ARHGAP26: variants seen among roughly 807,000 people sequenced by gnomAD.
ARHGAP26 encodes Rho GTPase activating protein 26, also known as rho GTPase-activating protein 26.
Under a neutral mutation model 104.8 loss-of-function variants are expected in ARHGAP26, and 38 were observed. The observed-to-expected ratio is 0.36, with a 90% confidence interval of 0.28 to 0.48. The LOEUF (loss-of-function observed/expected upper bound fraction) is 0.48. Ranked by LOEUF, ARHGAP26 falls within the 20% of genes least tolerant of loss-of-function variation. ARHGAP26 has a pLI of 0.99. For missense variants in ARHGAP26, 704 were observed against 947.9 expected, an observed-to-expected ratio of 0.74 and a Z score of 3.38; for synonymous variants, 341 against 340.0, an observed-to-expected ratio of 1.00 and a Z score of -0.03.
At chr5:143,172,878 A>G (rs1209296614) in intron 20 of ARHGAP26, 2 of 170,940 alleles carry the variant, frequency 1.2e-5, no homozygotes, top group African/African-American at 4.8e-5. Flanking sequence ...AAGGGCAGAT[A>G]CCCATGTTGT....
At chr5:142,891,125 G>T (rs1038339059) in intron 5 of ARHGAP26, among the ~76,000 whole-genome samples, 1 of 151,968 alleles carries the variant, frequency 6.6e-6, no homozygotes, top group African/African-American at 2.4e-5. Flanking sequence ...GCTACAAGAA[G>T]ATCAAAGGCT....
intron 10 of ARHGAP26, among the ~76,000 whole-genome samples, chr5:142,927,536 G>A (rs1764090934): frequency 6.6e-6 from 1 of 152,072 alleles, no homozygotes; most frequent in Non-Finnish European, 1.5e-5. Context: ...TGTATGGTAT[G>A]CCATTGTTCA....
At chr5:142,772,970 A>G in intron 1 of ARHGAP26, 1 of 513,900 alleles carries the variant, frequency 1.9e-6, no homozygotes, top group South Asian at 1.4e-5. Flanking sequence ...AATGGAATGG[A>G]TCAGCCCTGT....
chr5:142,798,850 C>T (rs1237543824), intron 1 of ARHGAP26, among the ~76,000 whole-genome samples: 1 of 152,142 alleles, frequency 6.6e-6, no homozygotes, highest in Non-Finnish European at 1.5e-5. Flanking sequence ...TAGTTCAGGG[C>T]TGTGGGATAT....
intron 4 of ARHGAP26, among the ~76,000 whole-genome samples, chr5:142,884,316 G>A (rs914014279): frequency 6.6e-6 from 1 of 152,204 alleles, no homozygotes; most frequent in Admixed American, 6.5e-5. Context: ...ACCTCTTTGG[G>A]TCCAAGTTTT....
chr5:142,773,259 T>C (rs1755619747), intron 1 of ARHGAP26, among the ~76,000 whole-genome samples: 1 of 152,270 alleles, frequency 6.6e-6, no homozygotes, highest in African/African-American at 2.4e-5. Context: ...AACTTAAACA[T>C]AAATACATAA....
intron 11 of ARHGAP26, among the ~76,000 whole-genome samples, chr5:142,936,088 C>T (rs191417980): frequency 6.8e-6 from 1 of 146,730 alleles, no homozygotes; most frequent in Admixed American, 6.7e-5. Context: ...ACACAATTGT[C>T]TATGTAGAAA....
rs145516000 is a variant in ARHGAP26, at chr5:143,157,412, A to G, written c.1988+10031A>G. Among the ~76,000 whole-genome samples, 416 of 152,234 alleles carry G rather than the reference A, an allele frequency of 2.7e-3. 7 individuals are homozygous for G. The East Asian group carries it at 0.035, about 13-fold the overall frequency. On this transcript the variant is annotated intron_variant, in intron 20 of 22. Transcript: ENST00000645722. ...AGGCTGGTCTTGAACTCCTGACCTC[A>G]AGTGATCCACCTGCCTCAGCCTCCC...
At chr5:143,159,411 A>G (rs75559619) in intron 20 of ARHGAP26, among the ~76,000 whole-genome samples, 1,770 of 152,352 alleles carry the variant, frequency 0.012, 37 homozygotes, top group African/African-American at 0.038. Flanking sequence ...AATAAATAGT[A>G]GAGTTGAGTA....
intron 22 of ARHGAP26, among the ~76,000 whole-genome samples, chr5:143,215,092 G>A (rs886751057): frequency 2.0e-5 from 3 of 152,334 alleles, no homozygotes; most frequent in Middle Eastern, 3.4e-3. Flanking sequence ...CCCAGGCGGC[G>A]GAGTCCTGGC....
Position 142,971,220 on chromosome 5 carries a change from G to A in ARHGAP26, c.1107+39095G>A, listed in dbSNP as rs181928406. On this transcript the variant is annotated intron_variant, in intron 11 of 22. Coordinates refer to ENST00000645722, the MANE Select transcript of ARHGAP26 (RefSeq NM_001135608.3). ...TGTTTCTCCTTATCACTGATCATTT[G>A]TAAGGGACTATGCTTGGTACAGTAC... Among the ~76,000 whole-genome samples, 61 of 152,286 alleles carry A rather than the reference G, an allele frequency of 4.0e-4. 1 individual carries two copies. The highest frequency in any genetic ancestry group is 4.3e-4 in the Non-Finnish European group (29 of 68,006).
chr5:142,930,337 C>G (rs993990004), intron 10 of ARHGAP26, among the ~76,000 whole-genome samples: 9 of 152,190 alleles, frequency 5.9e-5, no homozygotes, highest in Non-Finnish European at 1.3e-4. Flanking sequence ...TCCACTGAGT[C>G]TGGCACACTG....
At chr5:142,923,942 A>G (rs184740529) in intron 10 of ARHGAP26, among the ~76,000 whole-genome samples, 1 of 148,438 alleles carries the variant, frequency 6.7e-6, no homozygotes, top group East Asian at 2.0e-4. Context: ...GCTCACTGCA[A>G]GCTCCGCCCC....
At chr5:143,133,044 T>C (rs1250012044) in intron 18 of ARHGAP26, among the ~76,000 whole-genome samples, 1 of 152,160 alleles carries the variant, frequency 6.6e-6, no homozygotes, top group Admixed American at 6.5e-5. Flanking sequence ...TAAGGGAGTC[T>C]GCAATAAGTG....
intron 10 of ARHGAP26, chr5:142,919,140 G>A: frequency 2.5e-6 from 1 of 397,914 alleles, no homozygotes; most frequent in Non-Finnish European, 4.4e-6. Context: ...TTACTTGATA[G>A]AGATAATCAA....
chr5:143,137,868 G>T (rs1027699500), intron 19 of ARHGAP26, among the ~76,000 whole-genome samples: 15 of 152,208 alleles, frequency 9.9e-5, no homozygotes, highest in African/African-American at 3.6e-4. Context: ...CTGTGCAAAA[G>T]TTGGAGCCCA....
intron 21 of ARHGAP26, among the ~76,000 whole-genome samples, chr5:143,210,622 C>T (rs573643897): frequency 1.1e-4 from 17 of 152,314 alleles, no homozygotes; most frequent in African/African-American, 7.2e-5. Flanking sequence ...GCCCCAAACC[C>T]GTAACTTGCA....
chr5:143,061,953 G>A (rs1034827758), intron 17 of ARHGAP26, among the ~76,000 whole-genome samples: 6 of 152,156 alleles, frequency 3.9e-5, no homozygotes, highest in African/African-American at 1.4e-4. Context: ...TTGGTCCAGA[G>A]CAGTCATTGA....
chr5:142,778,997 A>G (rs1756935785), intron 1 of ARHGAP26, among the ~76,000 whole-genome samples: 1 of 151,802 alleles, frequency 6.6e-6, no homozygotes, highest in Admixed American at 6.6e-5. Context: ...GAGAGATGAC[A>G]ATTAATTGGA....
Sources: gnomAD v4.1 joint callset for allele counts (sites outside exome capture counted in the v4.1 genomes callset) on GRCh38, gnomAD v4.1.1 for gene constraint, MANE v1.5 for transcripts, NCBI Gene and HGNC (gene_info 2026-07-23, HGNC 2026-07-21) for gene names.